Variants in NDUFAF6 observed in about 807,000 individuals in gnomAD.
NDUFAF6 encodes the protein NADH dehydrogenase (ubiquinone) complex I, assembly factor 6.
Under a neutral mutation model 40.8 loss-of-function variants are expected in NDUFAF6, and 45 were observed. The observed-to-expected ratio is 1.10, with a 90% confidence interval of 0.87 to 1.42. The LOEUF is 1.42. Among genes scored for constraint, NDUFAF6 ranks in the 40% most tolerant of loss-of-function variants. The pLI is 0.00. For synonymous variants in NDUFAF6, 185 were observed against 155.9 expected, an observed-to-expected ratio of 1.19 and a Z score of -1.39; for missense variants, 435 against 418.5, an observed-to-expected ratio of 1.04 and a Z score of -0.34.
At chr8:95,052,581 T>G (rs1385963902) in intron 8 of NDUFAF6, among the ~76,000 whole-genome samples, 1 of 152,198 alleles carries the variant, frequency 6.6e-6, no homozygotes, top group Non-Finnish European at 1.5e-5. Flanking sequence ...TGTGGGATTG[T>G]TAGGCTGCTT....
intron 1 of NDUFAF6, among the ~76,000 whole-genome samples, chr8:94,918,381 G>A (rs779681833): frequency 1.3e-5 from 2 of 152,122 alleles, no homozygotes; most frequent in Non-Finnish European, 2.9e-5. Context: ...AAGCTGCCAG[G>A]GAAGCCACCA....
At chr8:95,066,298 T>C (rs1832702674) in intron 9 of NDUFAF6, among the ~76,000 whole-genome samples, 1 of 147,186 alleles carries the variant, frequency 6.8e-6, no homozygotes, top group African/African-American at 2.5e-5. Context: ...TTTTTTTTTT[T>C]TTTTTTTTTT....
chr8:95,051,842 T>TA (rs1287475234), intron 7 of NDUFAF6, among the ~76,000 whole-genome samples: 7 of 152,180 alleles, frequency 4.6e-5, no homozygotes, highest in Non-Finnish European at 1.0e-4. Flanking sequence ...AAAGTCAGTC[T>TA]AAGCTAGGGG....
chr8:95,057,657 C>T, intron 8 of NDUFAF6, 152 bp from the exon 9 acceptor site: 1 of 642,582 alleles, frequency 1.6e-6, no homozygotes, highest in Non-Finnish European at 2.6e-6. Context: ...ATGTCTTTTT[C>T]TTTCTCTCTT....
chr8:94,968,125 GAA>G (rs1824169646), intron 1 of NDUFAF6, among the ~76,000 whole-genome samples: 1 of 152,170 alleles, frequency 6.6e-6, no homozygotes, highest in African/African-American at 2.4e-5. Context: ...GTTGCGGGTG[GAA>G]AGGAACAGAG....
intron 1 of NDUFAF6, among the ~76,000 whole-genome samples, chr8:95,026,725 T>C (rs1828188357): frequency 6.6e-6 from 1 of 152,212 alleles, no homozygotes. Context: ...AAATTTCTTA[T>C]CTATTTTTCC....
At chr8:95,032,444 A>C (rs1326005603) in intron 2 of NDUFAF6, among the ~76,000 whole-genome samples, 1 of 152,240 alleles carries the variant, frequency 6.6e-6, no homozygotes, top group Non-Finnish European at 1.5e-5. Flanking sequence ...ACATGTATAT[A>C]GCAGTTTTTC....
chr8:94,943,776 ATCT>A (rs888443763), intron 1 of NDUFAF6, among the ~76,000 whole-genome samples: 4 of 152,356 alleles, frequency 2.6e-5, no homozygotes, highest in African/African-American at 7.2e-5. Context: ...GTCACAATTC[ATCT>A]TCTTCAGCCA....
chr8:94,907,417 G>A (rs142813364), intron 1 of NDUFAF6, among the ~76,000 whole-genome samples: 7 of 152,286 alleles, frequency 4.6e-5, no homozygotes, highest in Non-Finnish European at 4.4e-5. Flanking sequence ...AGGAGTCCTC[G>A]TGCTGTGTGA....
At chr8:95,030,657 A>G (rs892118378) in intron 1 of NDUFAF6, among the ~76,000 whole-genome samples, 2 of 152,214 alleles carry the variant, frequency 1.3e-5, no homozygotes, top group African/African-American at 4.8e-5. Flanking sequence ...CTTTTTGCTC[A>G]AGAAAATGTT....
chr8:95,035,545 C>A lies in NDUFAF6; in HGVS notation c.389C>A (p.Pro130Gln). The change falls in exon 3 of 9, where the codon CCA becomes CAA. Residue 130 changes from proline to glutamine, a missense_variant. Transcript: ENST00000396124. ...TVEDIYCDNPPHQPVAIELWK... is the reference protein window; with the variant it reads ...TVEDIYCDNPQHQPVAIELWK... Reference sequence around the variant, plus strand: ...GAAGATATATACTGTGACAATCCACCACATCAGCCTGTGGCCATTGAACTA... The same window carrying A: ...GAAGATATATACTGTGACAATCCACAACATCAGCCTGTGGCCATTGAACTA... The A allele has an allele frequency of 6.2e-7, 1 of 1,611,696 alleles. No homozygotes were observed. The highest frequency in any genetic ancestry group is 8.5e-7 in the Non-Finnish European group (1 of 1,179,406).
At chr8:95,078,004 G>A (rs555924054), downstream of NDUFAF6, among the ~76,000 whole-genome samples, 27 of 152,182 alleles carry the variant, frequency 1.8e-4, no homozygotes, top group Admixed American at 1.3e-3. Context: ...TGAGAGCCGC[G>A]GAAGGAAGGT....
chr8:95,030,160 A>G (rs1052412717), intron 1 of NDUFAF6, among the ~76,000 whole-genome samples: 1 of 151,876 alleles, frequency 6.6e-6, no homozygotes, highest in East Asian at 1.9e-4. Flanking sequence ...TTCTCTTCCT[A>G]TTTATTAATT....
downstream of NDUFAF6, among the ~76,000 whole-genome samples, chr8:95,079,994 T>C (rs71504376): frequency 4.2e-5 from 4 of 95,776 alleles, no homozygotes; most frequent in Admixed American, 2.2e-4. Context: ...ATTTTTGTAG[T>C]GTATTTTTTG....
intron 2 of NDUFAF6, among the ~76,000 whole-genome samples, chr8:95,094,517 A>G (rs1809382092): frequency 6.7e-6 from 1 of 148,510 alleles, no homozygotes; most frequent in Admixed American, 6.7e-5. Context: ...GATTCAAGTA[A>G]TTATCCTACC....
intron 2 of NDUFAF6, among the ~76,000 whole-genome samples, chr8:95,085,088 T>C (rs1308801211): frequency 6.6e-6 from 1 of 152,212 alleles, no homozygotes; most frequent in Non-Finnish European, 1.5e-5. Flanking sequence ...CTACTGGCTT[T>C]GGAGCATGAA....
At chr8:94,950,708 T>C (rs1822526293) in intron 2 of NDUFAF6, 1 of 152,198 alleles carries the variant, frequency 6.6e-6, no homozygotes, top group African/African-American at 2.4e-5. Flanking sequence ...CAAATCAGGC[T>C]TGTTCTAATA....
intron 2 of NDUFAF6, among the ~76,000 whole-genome samples, chr8:95,005,881 A>G (rs968095035): frequency 6.6e-6 from 1 of 152,098 alleles, no homozygotes; most frequent in Admixed American, 6.5e-5. Flanking sequence ...GTAACTATGC[A>G]TGCTTCCCCA....
At chr8:95,069,722 G>A (rs1403659549) in intron 9 of NDUFAF6, among the ~76,000 whole-genome samples, 1 of 148,566 alleles carries the variant, frequency 6.7e-6, no homozygotes, top group Non-Finnish European at 1.5e-5. Context: ...AGAGATTGCA[G>A]TGAGCTGAGA....
Sources: gnomAD v4.1 joint callset for allele counts (sites outside exome capture counted in the v4.1 genomes callset) on GRCh38, gnomAD v4.1.1 for gene constraint, MANE v1.5 for transcripts, NCBI Gene and HGNC (gene_info 2026-07-23, HGNC 2026-07-21) for gene names.